The following C17orf99 variants were observed in gnomAD, a reference collection of about 807,000 sequenced individuals.
The protein encoded by C17orf99 is chromosome 17 open reading frame 99.
A neutral mutation model predicts 22.6 loss-of-function variants in C17orf99; 18 were observed. That is an observed-to-expected ratio of 0.80 (90% confidence interval 0.55 to 1.18). The LOEUF (loss-of-function observed/expected upper bound fraction) is 1.18. C17orf99 is among the 50% of genes most tolerant of loss of function. The pLI is 0.00. For synonymous variants in C17orf99, 147 were observed against 136.6 expected (o/e 1.08, Z -0.53); for missense variants, 328 against 342.7 (o/e 0.96, Z 0.34).
At position 78,161,094 on chromosome 17, in the gene C17orf99, G is replaced by T; in HGVS notation, c.210G>T (p.Val70=). 6.4e-7 allele frequency: 1 copy of T among 1,551,780 alleles called. No individual in the cohort carries two copies. Among genetic ancestry groups the T allele is most frequent in the South Asian group, 1.2e-5 (1 of 84,060 alleles). The change falls in exon 3 of 5, where the codon GTG becomes GTT. Residue 70 remains valine (V), a synonymous_variant. Coordinates refer to ENST00000340363, the MANE Select transcript of C17orf99 (RefSeq NM_001163075.2). ...TCTGTGGAACCAAGAACATCAAGGT[G>T]GCCAAGAAGGTGGTGAAGACCCACG... is the stretch of plus-strand genomic sequence containing the variant. The part of the protein sequence containing the change: ...YSLCGTKNIK[V]AKKVVKTHEP...
intron 2 of C17orf99, among the ~76,000 whole-genome samples, chr17:78,154,688 C>A (rs1254175865): frequency 6.6e-6 from 1 of 151,624 alleles, no homozygotes; most frequent in Non-Finnish European, 1.5e-5. Context: ...ACTAAAAATA[C>A]AAAATTAGCC....
In C17orf99 at chr17:78,164,308, G is replaced by T. The variant is rs367920102; in HGVS notation, c.584G>T (p.Cys195Phe). The stretch of plus-strand genomic sequence containing the variant: ...AGCCAGACATCGGACTGGTTCTGGT[G>T]CCAGGCTGCAAACAACGCCAATGTC... ...LPSQTSDWFWCQAANNANVQH... is the reference protein window; with the variant it reads ...LPSQTSDWFWFQAANNANVQH... Residue 195 changes from cysteine to phenylalanine, a missense_variant, in exon 4 of 5, where the codon TGC becomes TTC. Transcript: ENST00000340363. 1 of 1,551,488 alleles carries T rather than the reference G, an allele frequency of 6.4e-7. No homozygotes were observed. The highest frequency in any genetic ancestry group is 8.7e-7 in the Non-Finnish European group (1 of 1,147,014).
rs948785372 is a variant in C17orf99 at position 78,161,119 on chromosome 17, G to C, written c.235G>C (p.Glu79Gln). ...GGCCAAGAAGGTGGTGAAGACCCAC[G>C]AGCCGGCCTCCTTCAACCTCAACGT... The part of the protein sequence containing the change: ...KVAKKVVKTH[E>Q]PASFNLNVTL... The change falls in exon 3 of 5, where the codon GAG becomes CAG. Residue 79 changes from glutamate to glutamine, a missense_variant. Glu to Gln is a conservative substitution (Grantham distance 29). Coordinates refer to ENST00000340363, the MANE Select transcript of C17orf99 (RefSeq NM_001163075.2). 1 of 1,551,772 alleles carries C rather than the reference G, an allele frequency of 6.4e-7. No homozygotes were observed. Among genetic ancestry groups the C allele is most frequent in the African/African-American group, 1.4e-5 (1 of 73,140 alleles).
At chr17:78,151,423 CA>C (rs35828431) in intron 2 of C17orf99, among the ~76,000 whole-genome samples, 91 of 56,182 alleles carry the variant, frequency 1.6e-3, no homozygotes, top group South Asian at 4.7e-3. Flanking sequence ...GACTCTGTCT[CA>C]AAAAAAAAAA....
intron 2 of C17orf99, among the ~76,000 whole-genome samples, chr17:78,148,816 A>G (rs901354447): frequency 6.6e-6 from 1 of 152,092 alleles, no homozygotes; most frequent in Non-Finnish European, 1.5e-5. Flanking sequence ...GGAGGTTTGG[A>G]GGGGAAAACG....
rs571283878 is a variant in C17orf99 at position 78,150,935 on chromosome 17, C to T, written c.70+4024C>T. Among the ~76,000 whole-genome samples the T allele has an allele frequency of 1.9e-4, 29 of 152,002 alleles. 1 individual carries two copies. In the South Asian group the frequency reaches 2.7e-3, roughly 14 times the overall value. ...GTCAGGAGTTTAAGACCAGCCTGGC[C>T]AACATGGTGAAACCCCATTTCTATT... is the stretch of plus-strand genomic sequence containing the variant. On this transcript the variant is annotated intron_variant, in intron 2 of 4. Coordinates refer to ENST00000340363, the MANE Select transcript of C17orf99 (RefSeq NM_001163075.2).
intron 2 of C17orf99, among the ~76,000 whole-genome samples, chr17:78,156,456 G>A (rs186536823): frequency 7.2e-5 from 11 of 151,746 alleles, no homozygotes; most frequent in South Asian, 2.1e-4. Flanking sequence ...GAAGTCACTC[G>A]CAAGCAGAAA....
At chr17:78,148,198 C>T (rs2075450367) in intron 2 of C17orf99, among the ~76,000 whole-genome samples, 1 of 146,640 alleles carries the variant, frequency 6.8e-6, no homozygotes, top group South Asian at 2.2e-4. Context: ...GCCTGACCGA[C>T]ACAGTGAGAC....
chr17:78,148,769 G>C (rs894742051), intron 2 of C17orf99, among the ~76,000 whole-genome samples: 1 of 152,200 alleles, frequency 6.6e-6, no homozygotes, highest in Non-Finnish European at 1.5e-5. Context: ...GCATGGTGTG[G>C]GGTTGGCCGG....
In C17orf99 at chr17:78,146,843, C is replaced by T. The variant is rs1174530501; in HGVS notation, c.38-36C>T. The T allele has an allele frequency of 1.9e-6, 3 of 1,549,206 alleles. No individual in the cohort carries two copies. The Admixed American group carries it at 5.9e-5, about 30-fold the overall frequency. ...GCTGTCTCTGGTCTCCCCTCCACAC[C>T]AGGCCCTCTCCTTATCGCCCTTACC... On this transcript the variant is annotated intron_variant, in intron 1 of 4. Transcript: ENST00000340363. This position sits in a 1 kb window ranked among gnomAD's most constrained non-coding sequence, Gnocchi z 5.2.
chr17:78,149,325 CTG>C, intron 2 of C17orf99, among the ~76,000 whole-genome samples: 1 of 108,998 alleles, frequency 9.2e-6, no homozygotes, highest in East Asian at 2.5e-4. Flanking sequence ...GAGAGAGACT[CTG>C]CCTCAAAAAA....
rs531602740 is a variant in C17orf99 at position 78,146,684 on chromosome 17, C to A, written c.38-195C>A. On this transcript the variant is annotated intron_variant, in intron 1 of 4. Coordinates refer to ENST00000340363, the MANE Select transcript of C17orf99 (RefSeq NM_001163075.2). This position sits in a 1 kb window ranked among gnomAD's most constrained non-coding sequence, Gnocchi z 5.2. Reference sequence around the variant, plus strand: ...ACTACTTACCCATCTGCGAAATGGGCGGATGAGAGGCGATGTTGTGGGGGG... The same window carrying A: ...ACTACTTACCCATCTGCGAAATGGGAGGATGAGAGGCGATGTTGTGGGGGG... Among the ~76,000 whole-genome samples the A allele has an allele frequency of 6.6e-6, 1 of 151,922 alleles. No individual in the cohort carries two copies. The highest frequency in any genetic ancestry group is 1.5e-5 in the Non-Finnish European group (1 of 67,974).
intron 3 of C17orf99, among the ~76,000 whole-genome samples, chr17:78,162,270 T>C (rs976719709): frequency 2.2e-4 from 25 of 115,422 alleles, no homozygotes; most frequent in Non-Finnish European, 1.0e-4. Flanking sequence ...CGTAAGACTA[T>C]CTCAAAAAAA....
At chr17:78,151,316 T>G (rs1464020833) in intron 2 of C17orf99, among the ~76,000 whole-genome samples, 1 of 144,742 alleles carries the variant, frequency 6.9e-6, no homozygotes, top group African/African-American at 2.6e-5. Flanking sequence ...TCCCAGCTAC[T>G]CAGGAGGCTG....
chr17:78,161,191 T>C lies in C17orf99; in HGVS notation c.307T>C (p.Ser103Pro). 1 of 1,551,666 alleles carries C rather than the reference T, an allele frequency of 6.4e-7. No individual in the cohort carries two copies. The highest frequency in any genetic ancestry group is 8.7e-7 in the Non-Finnish European group (1 of 1,146,948). Reference sequence around the variant, plus strand: ...CCTGCTCACCTACTTCTGCTGGGCGTCCTCCACCTCAGGTGCCCATGTGGA... The same window carrying C: ...CCTGCTCACCTACTTCTGCTGGGCGCCCTCCACCTCAGGTGCCCATGTGGA... ...PDLLTYFCWA[S>P]STSGAHVDSA... is the part of the protein sequence containing the mutation. The change falls in exon 3 of 5, where the codon TCC becomes CCC. Residue 103 changes from serine (S) to proline (P), a missense_variant. Coordinates refer to ENST00000340363, the MANE Select transcript of C17orf99 (RefSeq NM_001163075.2).
At position 78,165,994 on chromosome 17, in the gene C17orf99, G is replaced by A; in HGVS notation, c.746G>A (p.Gly249Glu). The A allele has an allele frequency of 6.7e-7, 1 of 1,493,834 alleles. No homozygotes were observed. The allele number at this position is 1,493,834 out of a possible 1,614,324, so 92.5% of individuals were successfully genotyped here. ...TRRLSEEEFGGFRIGNGEVRG... is the reference protein window; with the variant it reads ...TRRLSEEEFGEFRIGNGEVRG... ...CGTCTGAGTGAAGAGGAGTTTGGGG[G>A]GTTCAGGATAGGGAATGGGGAGGTC... Residue 249 changes from glycine to glutamate, a missense_variant, in exon 5 of 5, where the codon GGG becomes GAG. Coordinates refer to ENST00000340363, the MANE Select transcript of C17orf99 (RefSeq NM_001163075.2).
At chr17:78,151,360 G>A (rs1213490068) in intron 2 of C17orf99, among the ~76,000 whole-genome samples, 9 of 139,522 alleles carry the variant, frequency 6.5e-5, no homozygotes, top group Non-Finnish European at 1.2e-4. Flanking sequence ...AGAGGCGGAG[G>A]TTGCAGTGAG....
chr17:78,146,300 C>T (rs1297495646), upstream of C17orf99: 11 of 1,009,658 alleles, frequency 1.1e-5, no homozygotes, highest in Non-Finnish European at 1.6e-5. The surrounding 1 kb of genome is among the most constrained non-coding windows in gnomAD (Gnocchi z 5.2). Flanking sequence ...AGGTTATCTC[C>T]CCACTGCAGG....
chr17:78,156,474 C>G (rs1404966721), intron 2 of C17orf99, among the ~76,000 whole-genome samples: 2 of 151,900 alleles, frequency 1.3e-5, no homozygotes, highest in Non-Finnish European at 2.9e-5. Flanking sequence ...AAAGCAGATA[C>G]CTGGCGTAGG....
Sources: gnomAD v4.1 joint callset for allele counts (sites outside exome capture counted in the v4.1 genomes callset) on GRCh38, gnomAD v4.1.1 for gene constraint, Gnocchi (gnomAD v3.1) non-coding constraint, MANE v1.5 for transcripts, NCBI Gene and HGNC (gene_info 2026-07-23, HGNC 2026-07-21) for gene names.